HTR2C: variants seen among roughly 807,000 people sequenced by gnomAD.
HTR2C encodes 5-hydroxytryptamine receptor 2C, also known as 5-hydroxytryptamine (serotonin) receptor 2C, G protein-coupled.
A neutral mutation model predicts 21.0 loss-of-function variants in HTR2C; 5 were observed. The ratio of observed to expected loss-of-function variants is 0.24; its 90% confidence interval spans 0.12 to 0.50. The LOEUF is 0.50. HTR2C is among the 20% of genes least tolerant of loss of function. The pLI is 0.98. For missense variants in HTR2C, 271 were observed against 371.2 expected, an observed-to-expected ratio of 0.73 and a Z score of 2.22; for synonymous variants, 150 against 145.3, an observed-to-expected ratio of 1.03 and a Z score of -0.23.
intron 4 of HTR2C, among the ~76,000 whole-genome samples, chrX:114,836,426 C>T (rs372801493): frequency 5.3e-5 from 6 of 112,588 alleles, no homozygotes; most frequent in Non-Finnish European, 7.5e-5. Flanking sequence ...TTTTTTAAGC[C>T]GGTCGGAAAA....
At chrX:114,658,065 T>G (rs34391935) in intron 2 of HTR2C, among the ~76,000 whole-genome samples, 18,542 of 110,587 alleles carry the variant, frequency 0.17, 1,138 homozygotes, top group East Asian at 0.34. Context: ...AACAATTTTT[T>G]TTTGTTTGTT....
chrX:114,705,378 G>T (rs1375911704), intron 2 of HTR2C, among the ~76,000 whole-genome samples: 1 of 110,129 alleles, frequency 9.1e-6, no homozygotes, highest in Admixed American at 9.7e-5. Flanking sequence ...CAATGGAACA[G>T]AACAGAGCCC....
intron 2 of HTR2C, among the ~76,000 whole-genome samples, chrX:114,633,937 TATATATATATAGAG>T (rs1929737088): frequency 2.3e-4 from 7 of 29,856 alleles, no homozygotes; most frequent in Non-Finnish European, 1.3e-4. Flanking sequence ...CATGTGTATA[TATATATATATAGAG>T]AGAGAGAGAG....
chrX:114,663,512 T>C (rs1407196382), intron 2 of HTR2C, among the ~76,000 whole-genome samples: 1 of 111,738 alleles, frequency 8.9e-6, no homozygotes, highest in East Asian at 2.8e-4. Flanking sequence ...TTAAAAAGCT[T>C]TCAAACAAAC....
intron 2 of HTR2C, among the ~76,000 whole-genome samples, chrX:114,721,664 A>G (rs1240489424): frequency 4.6e-5 from 5 of 109,199 alleles, no homozygotes; most frequent in African/African-American, 1.0e-4. Context: ...TAATGTTTAA[A>G]TCTTTAATCC....
chrX:114,606,228 C>CT (rs1928421496), intron 1 of HTR2C, among the ~76,000 whole-genome samples: 1 of 110,690 alleles, frequency 9.0e-6, no homozygotes, highest in Non-Finnish European at 1.9e-5. Context: ...GGACTTGCCG[C>CT]TAAGGGTGAA....
chrX:114,837,113 T>C (rs781880945), intron 4 of HTR2C, among the ~76,000 whole-genome samples: 41 of 112,312 alleles, frequency 3.7e-4, no homozygotes, highest in Admixed American at 3.6e-3. Context: ...TATTTAAAAA[T>C]GTGTGCCTAC....
In HTR2C at chrX:114,797,404, G is replaced by A. The variant is rs1247578476; in HGVS notation, c.350-50599G>A. On this transcript the variant is annotated intron_variant, in intron 4 of 5. Transcript: ENST00000276198. ...ACTCCAATCTACCTGTATTTGTCCT[G>A]AGGTAAATTCTTGTGAATACCATTT... 6.3e-5 allele frequency among the ~76,000 whole-genome samples: 7 copies of A among 111,262 alleles called. No homozygotes were observed. The East Asian group carries it at 2.0e-3, about 31-fold the overall frequency.
chrX:114,859,400 G>A (rs1485792332), intron 5 of HTR2C, among the ~76,000 whole-genome samples: 1 of 110,612 alleles, frequency 9.0e-6, no homozygotes, highest in Non-Finnish European at 1.9e-5. Flanking sequence ...GCTTCAACAT[G>A]AATGGCAATA....
At chrX:114,802,594 T>A (rs933194186) in intron 4 of HTR2C, among the ~76,000 whole-genome samples, 1 of 110,618 alleles carries the variant, frequency 9.0e-6, no homozygotes, top group Non-Finnish European at 1.9e-5. Context: ...AAGCCCATGA[T>A]GATAATTAAG....
At chrX:114,718,177 G>A (rs1933050160) in intron 2 of HTR2C, among the ~76,000 whole-genome samples, 1 of 111,112 alleles carries the variant, frequency 9.0e-6, no homozygotes, top group Non-Finnish European at 1.9e-5. Flanking sequence ...GGGACTACAG[G>A]CCCGCACCAT....
At chrX:114,785,979 A>C (rs781852783) in intron 4 of HTR2C, among the ~76,000 whole-genome samples, 14 of 112,493 alleles carry the variant, frequency 1.2e-4, no homozygotes, top group African/African-American at 4.5e-4. Context: ...ACATTGATAA[A>C]TTAATAAGAA....
intron 2 of HTR2C, among the ~76,000 whole-genome samples, chrX:114,674,501 T>C (rs1428439381): frequency 9.0e-6 from 1 of 111,567 alleles, no homozygotes; most frequent in Non-Finnish European, 1.9e-5. Context: ...TTTTCCTATC[T>C]GCTTCTCTAC....
chrX:114,799,688 T>G (rs1444807443), intron 4 of HTR2C, among the ~76,000 whole-genome samples: 1 of 110,740 alleles, frequency 9.0e-6, no homozygotes, highest in East Asian at 2.8e-4. Context: ...AAGTTAGTAC[T>G]AAGTAAGACA....
intron 4 of HTR2C, among the ~76,000 whole-genome samples, chrX:114,826,915 T>C (rs782079041): frequency 1.6e-4 from 18 of 111,416 alleles, no homozygotes; most frequent in Non-Finnish European, 2.1e-4. Context: ...CATTCTTTTG[T>C]TTCCTAATTC....
rs201632841 is a variant in HTR2C at position 114,906,579 on chromosome X, C to T, written c.551-10C>T. Reference sequence around the variant, plus strand: ...TGCTATAACAACCCCCTTCCTTTTTCTTCCTTTAGGTGTATCAGTTCCTAT... The same window carrying T: ...TGCTATAACAACCCCCTTCCTTTTTTTTCCTTTAGGTGTATCAGTTCCTAT... On this transcript the variant is annotated splice_polypyrimidine_tract_variant and intron_variant, in intron 5 of 5. Transcript: ENST00000276198. 2 of 1,151,314 alleles carry T rather than the reference C, an allele frequency of 1.7e-6. No homozygotes were observed. The highest frequency in any genetic ancestry group is 2.4e-5 in the Admixed American group (1 of 40,820). 94.9% of individuals were successfully genotyped at this position (1,151,314 alleles called of 1,213,427 possible).
chrX:114,675,634 T>G (rs1931526402), intron 2 of HTR2C, among the ~76,000 whole-genome samples: 2 of 111,874 alleles, frequency 1.8e-5, no homozygotes, highest in African/African-American at 6.5e-5. Flanking sequence ...TTTACATTAC[T>G]CTTTTTATTT....
intron 5 of HTR2C, 81 bp from the exon 6 acceptor site, chrX:114,906,508 G>A: frequency 1.0e-5 from 7 of 701,749 alleles, no homozygotes; most frequent in Non-Finnish European, 1.5e-5. Context: ...TCCGTAAAAT[G>A]CAAATTAATG....
At chrX:114,649,506 C>T (rs185619758) in intron 2 of HTR2C, among the ~76,000 whole-genome samples, 56 of 112,439 alleles carry the variant, frequency 5.0e-4, no homozygotes, top group Non-Finnish European at 1.7e-4. Flanking sequence ...GGGACACCAG[C>T]AAGGCTTTTA....
Sources: allele counts gnomAD v4.1 joint callset (sites outside exome capture counted in the v4.1 genomes callset), GRCh38; gene constraint gnomAD v4.1.1; transcripts MANE v1.5; gene names NCBI Gene and HGNC (gene_info 2026-07-23, HGNC 2026-07-21).